The following PKN2 variants were observed in gnomAD, a reference collection of about 807,000 sequenced individuals.
PKN2 encodes serine/threonine-protein kinase N2.
A neutral mutation model predicts 119.1 loss-of-function variants in PKN2; 38 were observed. The observed-to-expected ratio is 0.32, with a 90% CI of 0.25 to 0.42. The LOEUF is 0.42. Ranked by LOEUF, PKN2 falls within the 10% of genes least tolerant of loss-of-function variation. The pLI is 1.00. For missense variants in PKN2, 850 were observed against 1,165.1 expected, an observed-to-expected ratio of 0.73 and a Z score of 3.94; for synonymous variants, 390 against 384.9, an observed-to-expected ratio of 1.01 and a Z score of -0.15.
chr1:88,784,580 T>G (rs1004610483), intron 6 of PKN2, 59 bp from the exon 7 acceptor site: 8 of 1,072,918 alleles, frequency 7.5e-6, no homozygotes, highest in Non-Finnish European at 1.0e-5. Context: ...GAGATTTAGA[T>G]TAAGGATTCC....
chr1:88,783,932 C>T (rs1472281538), intron 6 of PKN2, among the ~76,000 whole-genome samples: 1 of 151,990 alleles, frequency 6.6e-6, no homozygotes, highest in Admixed American at 6.6e-5. Flanking sequence ...CTGTAAAGTT[C>T]TTTTCTGTGT....
At chr1:88,827,639 C>CT (rs1553159970) in intron 18 of PKN2, among the ~76,000 whole-genome samples, 2 of 128,948 alleles carry the variant, frequency 1.6e-5, no homozygotes, top group African/African-American at 6.2e-5. Flanking sequence ...CTTCCCTTCC[C>CT]TCCCCTCTTC....
At chr1:88,757,936 G>T (rs1669271172) in intron 2 of PKN2, among the ~76,000 whole-genome samples, 1 of 151,076 alleles carries the variant, frequency 6.6e-6, no homozygotes, top group African/African-American at 2.4e-5. Context: ...TAGCTACTCG[G>T]GAGGCTGAGG....
chr1:88,747,764 A>G (rs1328847498), intron 2 of PKN2, among the ~76,000 whole-genome samples: 5 of 152,048 alleles, frequency 3.3e-5, no homozygotes, highest in Non-Finnish European at 7.4e-5. Context: ...ATTTTCTTCA[A>G]TATTTGAAAT....
chr1:88,733,496 T>C (rs1043085473), intron 1 of PKN2, among the ~76,000 whole-genome samples: 1 of 152,236 alleles, frequency 6.6e-6, no homozygotes, highest in Non-Finnish European at 1.5e-5. Flanking sequence ...TTTGGAGAAA[T>C]GTCTATGTAG....
chr1:88,776,397 G>GTA (rs1359456591), intron 6 of PKN2, among the ~76,000 whole-genome samples: 1 of 150,724 alleles, frequency 6.6e-6, no homozygotes, highest in Admixed American at 6.6e-5. Context: ...TGATAGTTTG[G>GTA]TATATATATA....
intron 18 of PKN2, among the ~76,000 whole-genome samples, chr1:88,825,808 C>A (rs539826996): frequency 1.3e-5 from 2 of 152,140 alleles, no homozygotes; most frequent in Non-Finnish European, 2.9e-5. Context: ...TCTTCAGTGG[C>A]TAGGATAAGG....
chr1:88,692,580 A>G (rs888494857), intron 1 of PKN2, among the ~76,000 whole-genome samples: 1 of 152,068 alleles, frequency 6.6e-6, no homozygotes, highest in African/African-American at 2.4e-5. Context: ...ATGTTGCCTT[A>G]TTGTGGTCTT....
chr1:88,742,122 C>T (rs1208970716), intron 2 of PKN2, among the ~76,000 whole-genome samples: 1 of 152,018 alleles, frequency 6.6e-6, no homozygotes, highest in East Asian at 1.9e-4. Flanking sequence ...GGCCTCAAGA[C>T]ATTATCAATC....
intron 2 of PKN2, among the ~76,000 whole-genome samples, chr1:88,746,851 G>GA (rs1300154281): frequency 6.6e-6 from 1 of 152,068 alleles, no homozygotes; most frequent in Non-Finnish European, 1.5e-5. Context: ...CCAAACAACT[G>GA]AAGTGCCCAT....
chr1:88,740,861 G>A (rs1328558958), intron 1 of PKN2, 127 bp from the exon 2 acceptor site: 2 of 544,950 alleles, frequency 3.7e-6, no homozygotes, highest in Non-Finnish European at 6.3e-6. Flanking sequence ...TGCTTATTAA[G>A]GAGATAATTA....
chr1:88,714,241 C>T (rs1667355288), intron 1 of PKN2, among the ~76,000 whole-genome samples: 1 of 152,120 alleles, frequency 6.6e-6, no homozygotes, highest in African/African-American at 2.4e-5. Context: ...GTTCTTTTTG[C>T]TTAGGATTGT....
intron 15 of PKN2, 108 bp from the exon 16 acceptor site, chr1:88,813,449 G>GA: frequency 1.4e-6 from 1 of 719,728 alleles, no homozygotes; most frequent in South Asian, 2.1e-5. Flanking sequence ...GGATTTTTAA[G>GA]TTATAGTTAA....
At chr1:88,831,823 T>C (rs1221098822) in intron 19 of PKN2, among the ~76,000 whole-genome samples, 1 of 152,054 alleles carries the variant, frequency 6.6e-6, no homozygotes, top group Non-Finnish European at 1.5e-5. Flanking sequence ...TTTAAGGAAT[T>C]AAATGATATT....
chr1:88,793,959 G>A (rs1025855999), intron 8 of PKN2, among the ~76,000 whole-genome samples: 4 of 152,178 alleles, frequency 2.6e-5, no homozygotes, highest in African/African-American at 9.7e-5. Context: ...GACTGTATAT[G>A]TAAACAACCC....
chr1:88,778,191 C>T (rs901204099), intron 6 of PKN2, among the ~76,000 whole-genome samples: 2 of 152,228 alleles, frequency 1.3e-5, no homozygotes, highest in Admixed American at 6.5e-5. Flanking sequence ...ACCTTGGGCA[C>T]GTGTTGTCAG....
chr1:88,790,757 T>G (rs1054336661), intron 8 of PKN2, among the ~76,000 whole-genome samples: 2 of 152,168 alleles, frequency 1.3e-5, no homozygotes, highest in Non-Finnish European at 2.9e-5. Context: ...ATTTGATAAT[T>G]TTCTCATGTC....
intron 8 of PKN2, among the ~76,000 whole-genome samples, chr1:88,799,421 G>A (rs1432211459): frequency 6.6e-6 from 1 of 152,120 alleles, no homozygotes; most frequent in Non-Finnish European, 1.5e-5. Context: ...GTTTCTTGAG[G>A]TGGTGGTTTT....
intron 3 of PKN2, among the ~76,000 whole-genome samples, chr1:88,768,468 C>T (rs959887298): frequency 5.9e-5 from 9 of 152,176 alleles, no homozygotes. Flanking sequence ...TTCTCACATC[C>T]CATCACTCTG....
Sources: gnomAD v4.1 joint callset for allele counts (sites outside exome capture counted in the v4.1 genomes callset) on GRCh38, gnomAD v4.1.1 for gene constraint, MANE v1.5 for transcripts, NCBI Gene and HGNC (gene_info 2026-07-23, HGNC 2026-07-21) for gene names.